LIN9: variants seen among roughly 807,000 people sequenced by gnomAD.
The protein encoded by LIN9 is lin-9 DREAM MuvB core complex component, also known as protein lin-9 homolog.
A neutral mutation model predicts 78.0 loss-of-function variants in LIN9; 18 were observed. The ratio of observed to expected loss-of-function variants is 0.23; its 90% CI spans 0.16 to 0.34. The LOEUF is 0.34. LIN9 is among the 10% of genes least tolerant of loss of function. The pLI, the probability that LIN9 is intolerant of heterozygous loss-of-function variation, is 1.00. For synonymous variants in LIN9, 192 were observed against 215.2 expected, an observed-to-expected ratio of 0.89 and a Z score of 0.94; for missense variants, 451 against 644.1, an observed-to-expected ratio of 0.70 and a Z score of 3.25.
Position 226,233,142 on chromosome 1 carries a change from C to T in LIN9, c.1477G>A (p.Asp493Asn), listed in dbSNP as rs758353926. The T allele has an allele frequency of 3.7e-6, 6 of 1,608,110 alleles. No homozygotes were observed. The South Asian group carries it at 6.7e-5, about 18-fold the overall frequency. Reference sequence around the variant, plus strand: ...GTACTCTTGATATCATTTAATGAGTCTGTAAGTGATTTGAATTCAAAGGAA... The same window carrying T: ...GTACTCTTGATATCATTTAATGAGTTTGTAAGTGATTTGAATTCAAAGGAA... ...LNSFEFKSLTDSLNDIKSTID... is the reference protein window; with the variant it reads ...LNSFEFKSLTNSLNDIKSTID... The change falls in exon 14 of 15, where the codon GAC becomes AAC. Residue 493 changes from aspartate to asparagine, a missense_variant. Asp to Asn is a conservative substitution (Grantham distance 23). Coordinates refer to ENST00000681046, the MANE Select transcript of LIN9 (RefSeq NM_001366245.2).
At chr1:226,236,975 AAATACATGTTGATGTATCTTTTTGG>A (rs1657759802) in intron 12 of LIN9, among the ~76,000 whole-genome samples, 1 of 152,220 alleles carries the variant, frequency 6.6e-6, no homozygotes, top group Non-Finnish European at 1.5e-5. Flanking sequence ...GTATTTTGGT[AAATACATGTTGATGTATCTTTTTGG>A]TATATATTGA....
At chr1:226,287,524 A>G in intron 5 of LIN9, 140 bp downstream of exon 5, 1 of 566,004 alleles carries the variant, frequency 1.8e-6, no homozygotes, top group East Asian at 3.2e-5. Context: ...AATAGATCCA[A>G]CTGGAATGTG....
intron 10 of LIN9, among the ~76,000 whole-genome samples, chr1:226,255,855 G>A (rs1392434954): frequency 3.3e-5 from 5 of 151,930 alleles, no homozygotes; most frequent in African/African-American, 1.2e-4. Flanking sequence ...AATGTCCAAG[G>A]ATTGTGGGAC....
At chr1:226,273,481 G>T (rs915626175) in intron 7 of LIN9, among the ~76,000 whole-genome samples, 2 of 152,106 alleles carry the variant, frequency 1.3e-5, no homozygotes, top group African/African-American at 4.8e-5. Flanking sequence ...CTGGGCTCAG[G>T]TGAGTGGCTT....
chr1:226,306,666 G>A (rs936044494), intron 1 of LIN9, among the ~76,000 whole-genome samples: 2 of 152,154 alleles, frequency 1.3e-5, no homozygotes, highest in Non-Finnish European at 2.9e-5. Context: ...CTGGTTCATA[G>A]TAAATACTCA....
rs1660770436 is a variant in LIN9, at chr1:226,277,926, A to C, written c.531T>G (p.Ser177=). 1 of 1,608,806 alleles carries C rather than the reference A, an allele frequency of 6.2e-7. No homozygotes were observed. Among genetic ancestry groups the C allele is most frequent in the Non-Finnish European group, 8.5e-7 (1 of 1,177,270 alleles). The change falls in exon 7 of 15, where the codon TCT becomes TCG. Residue 177 remains serine, a synonymous_variant. Coordinates refer to ENST00000681046, the MANE Select transcript of LIN9 (RefSeq NM_001366245.2). ...ATCTCTCTTCCTCAAAAAATGCAGA[A>C]GAACATCTAGAATAAATTATAAAAA... The part of the protein sequence containing the change: ...RRLMGKPRRC[S]SAFFEEERSA...
chr1:226,292,533 T>A (rs1164431791), intron 4 of LIN9, among the ~76,000 whole-genome samples: 1 of 152,146 alleles, frequency 6.6e-6, no homozygotes, highest in African/African-American at 2.4e-5. Flanking sequence ...CATAGCTCAC[T>A]ACAGCCTCAA....
chr1:226,279,327 C>T (rs954766692), intron 6 of LIN9, among the ~76,000 whole-genome samples: 1 of 150,170 alleles, frequency 6.7e-6, no homozygotes, highest in Non-Finnish European at 1.5e-5. Flanking sequence ...ATTAGCTAGG[C>T]ATAATGGTGT....
upstream of LIN9, chr1:226,309,661 C>A: frequency 7.8e-7 from 1 of 1,283,334 alleles, no homozygotes; most frequent in Non-Finnish European, 1.0e-6. Flanking sequence ...GCGCCTCCGT[C>A]CCCTCACTTT....
intron 12 of LIN9, among the ~76,000 whole-genome samples, chr1:226,235,202 A>T (rs1657607615): frequency 6.6e-6 from 1 of 151,482 alleles, no homozygotes; most frequent in Non-Finnish European, 1.5e-5. Context: ...CATGCCTGTA[A>T]TCATAGCTAC....
chr1:226,308,378 C>T (rs1663057829), intron 1 of LIN9, among the ~76,000 whole-genome samples: 1 of 151,842 alleles, frequency 6.6e-6, no homozygotes, highest in Middle Eastern at 3.2e-3. Context: ...CTGTGTTGGT[C>T]ACATCCATGC....
At chr1:226,282,612 G>C (rs1411263499) in intron 6 of LIN9, among the ~76,000 whole-genome samples, 11 of 152,180 alleles carry the variant, frequency 7.2e-5, no homozygotes, top group Non-Finnish European at 1.6e-4. Context: ...CCTGAGGTCA[G>C]GAGTTCAAGA....
intron 7 of LIN9, among the ~76,000 whole-genome samples, chr1:226,275,728 T>C (rs1340520157): frequency 1.4e-4 from 13 of 92,192 alleles, no homozygotes; most frequent in Non-Finnish European, 2.3e-4. Flanking sequence ...AAAGAAAAAA[T>C]AGCTCTAGGC....
At position 226,231,970 on chromosome 1, in the gene LIN9, T is replaced by C; in HGVS notation, c.*531A>G. 2.5e-6 allele frequency: 1 copy of C among 394,854 alleles called. No homozygotes were observed. Among genetic ancestry groups the C allele is most frequent in the Non-Finnish European group, 4.5e-6 (1 of 224,070 alleles). The allele number at this position is 394,854 out of a possible 1,614,324, so 24.5% of individuals were successfully genotyped here. On this transcript the variant is annotated 3_prime_UTR_variant, in exon 15 of 15. Transcript: ENST00000681046. The stretch of plus-strand genomic sequence containing the variant: ...AACATATACTTGTAAAGTCCACATT[T>C]CCCATCTATATTTCAGTGGTTTCCT...
chr1:226,280,553 G>A (rs1472704521), intron 6 of LIN9, among the ~76,000 whole-genome samples: 6 of 152,078 alleles, frequency 3.9e-5, no homozygotes, highest in African/African-American at 1.2e-4. Flanking sequence ...CGAGGTGGGC[G>A]GATCATGAGG....
At position 226,287,690 on chromosome 1, in the gene LIN9, G is replaced by A. The variant is rs142841984; in HGVS notation, c.372C>T (p.Tyr124=). ...TATCTATATTTGAATAGAACCACTC[G>A]TATATACACCATTTATGTGCTTTAG... ...KLPKAHKWCI[Y]EWFYSNIDKP... is the part of the protein sequence containing the mutation. The change falls in exon 5 of 15, where the codon TAC becomes TAT. Residue 124 remains tyrosine (Y), a synonymous_variant. Transcript: ENST00000681046. 3.4e-5 allele frequency: 53 copies of A among 1,547,754 alleles called. No individual in the cohort carries two copies. Among genetic ancestry groups the A allele is most frequent in the East Asian group, 2.2e-4 (9 of 41,016 alleles).
At chr1:226,289,234 C>G in intron 4 of LIN9, among the ~76,000 whole-genome samples, 1 of 146,156 alleles carries the variant, frequency 6.8e-6, no homozygotes, top group Middle Eastern at 3.5e-3. Context: ...GACTCCATGT[C>G]AAAAAAAAAG....
chr1:226,302,021 AC>A (rs1662567823), intron 1 of LIN9, among the ~76,000 whole-genome samples: 1 of 152,240 alleles, frequency 6.6e-6, no homozygotes, highest in Admixed American at 6.5e-5. Flanking sequence ...GTGAGCTGTG[AC>A]CGTGCCACTG....
intron 10 of LIN9, among the ~76,000 whole-genome samples, chr1:226,257,110 C>T (rs902344187): frequency 1.8e-4 from 27 of 151,596 alleles, no homozygotes; most frequent in African/African-American, 6.1e-4. Flanking sequence ...CCACCAGGCC[C>T]GGCTAATTTT....
Sources: gnomAD v4.1 joint callset for allele counts (sites outside exome capture counted in the v4.1 genomes callset) on GRCh38, gnomAD v4.1.1 for gene constraint, MANE v1.5 for transcripts, NCBI Gene and HGNC (gene_info 2026-07-23, HGNC 2026-07-21) for gene names.